Variants in RGS22 observed in about 807,000 individuals in gnomAD.
RGS22 encodes regulator of G-protein signaling 22.
Under a neutral mutation model 172.9 loss-of-function variants are expected in RGS22, and 148 were observed. The observed-to-expected ratio is 0.86, with a 90% CI of 0.75 to 0.98. The LOEUF (loss-of-function observed/expected upper bound fraction) is 0.98. Among genes scored for constraint, RGS22 ranks in the 50% least tolerant of loss-of-function variants. RGS22 has a pLI of 0.00. For missense variants in RGS22, 1,347 were observed against 1,440.8 expected (o/e 0.93, Z 1.05); for synonymous variants, 458 against 480.2 (o/e 0.95, Z 0.60).
At chr8:99,980,091 T>C (rs1007828259) in intron 22 of RGS22, among the ~76,000 whole-genome samples, 3 of 152,118 alleles carry the variant, frequency 2.0e-5, no homozygotes, top group Admixed American at 2.0e-4. Flanking sequence ...GTATCTGAAA[T>C]AGTTTTAAAA....
intron 24 of RGS22, among the ~76,000 whole-genome samples, chr8:99,963,575 A>C (rs998224449): frequency 6.6e-6 from 1 of 152,226 alleles, no homozygotes; most frequent in Non-Finnish European, 1.5e-5. Context: ...CAGGTTCTGC[A>C]TCTGCAGATT....
At chr8:100,104,949 T>C (rs1177633622) in intron 2 of RGS22, among the ~76,000 whole-genome samples, 9 of 152,204 alleles carry the variant, frequency 5.9e-5, no homozygotes, top group African/African-American at 2.2e-4. Flanking sequence ...TCTCTAGAAG[T>C]CTGAAATGGG....
At chr8:100,098,217 CT>C (rs1813135364) in intron 2 of RGS22, among the ~76,000 whole-genome samples, 1 of 152,110 alleles carries the variant, frequency 6.6e-6, no homozygotes, top group African/African-American at 2.4e-5. Context: ...CCTATTTATT[CT>C]TTTAATTTCT....
chr8:100,098,364 G>T (rs3133413), intron 2 of RGS22, among the ~76,000 whole-genome samples: 24,149 of 152,084 alleles, frequency 0.16, 2,515 homozygotes, highest in African/African-American at 0.29. Flanking sequence ...TAAAAGAAGA[G>T]ATATTGTCAA....
At chr8:100,057,137 G>A (rs1809702798) in intron 9 of RGS22, among the ~76,000 whole-genome samples, 1 of 152,180 alleles carries the variant, frequency 6.6e-6, no homozygotes, top group East Asian at 1.9e-4. Flanking sequence ...CTGTCCTGCT[G>A]GATTTTGGAC....
rs747806418 is a variant in RGS22, at chr8:99,996,470, C to A, written c.3010G>T (p.Val1004Phe). The A allele has an allele frequency of 1.9e-6, 3 of 1,613,126 alleles. No individual in the cohort carries two copies. Among genetic ancestry groups the A allele is most frequent in the South Asian group, 1.1e-5 (1 of 91,056 alleles). The change falls in exon 20 of 28, where the codon GTC becomes TTC. Residue 1004 changes from valine (V) to phenylalanine (F), a missense_variant. Physicochemically the swap from Val to Phe is conservative, Grantham distance 50. Transcript: ENST00000360863. ...LLQKAEKKIG[V>F]WKPVESKWIS... ...TAACAAACATTACTTGCCTTCCAGA[C>A]CCCGATTTTCTTTTCAGCCTTCTGT...
intron 2 of RGS22, 39 bp from the exon 3 acceptor site, chr8:100,093,548 T>C (rs1323517425): frequency 6.7e-6 from 9 of 1,350,524 alleles, no homozygotes; most frequent in Admixed American, 3.9e-5. Context: ...ATTATAATTA[T>C]ACATTTTAAA....
chr8:99,962,737 C>T lies in RGS22; in HGVS notation c.3740G>A (p.Ser1247Asn), dbSNP rs1167874709. The part of the protein sequence containing the change: ...GLQPLTNFKA[S>N]SSTMSLKKNM... ...CTTTTTCAAAGACATAGTTGAAGAG[C>T]TAGCCTTAAAATTTGTGAGAGGTTG... Residue 1247 changes from serine to asparagine, a missense_variant, in exon 26 of 28, where the codon AGC becomes AAC. Coordinates refer to ENST00000360863, the MANE Select transcript of RGS22 (RefSeq NM_015668.5). 1 of 1,612,164 alleles carries T rather than the reference C, an allele frequency of 6.2e-7. No individual in the cohort carries two copies. The highest frequency in any genetic ancestry group is 2.2e-5 in the East Asian group (1 of 44,870).
intron 4 of RGS22, among the ~76,000 whole-genome samples, chr8:100,075,834 T>C (rs1811307079): frequency 6.6e-6 from 1 of 152,228 alleles, no homozygotes. Flanking sequence ...TGTCTTACAA[T>C]TGCAGCAGCA....
chr8:100,071,232 G>A, intron 6 of RGS22, 137 bp downstream of exon 6: 3 of 670,222 alleles, frequency 4.5e-6, no homozygotes, highest in Non-Finnish European at 6.7e-6. Flanking sequence ...AGGCTGCAGT[G>A]AGCCATGATC....
At chr8:100,066,389 G>T in intron 6 of RGS22, 93 bp from the exon 7 acceptor site, 3 of 985,870 alleles carry the variant, frequency 3.0e-6, no homozygotes, top group Non-Finnish European at 4.5e-6. Context: ...TATTCAACTT[G>T]CACAGTACAA....
chr8:99,986,047 T>C (rs1178926579), intron 21 of RGS22, among the ~76,000 whole-genome samples: 1 of 151,776 alleles, frequency 6.6e-6, no homozygotes, highest in Non-Finnish European at 1.5e-5. Context: ...CTGGGCATCA[T>C]AGGGAGACCC....
chr8:100,010,195 A>T (rs905693899), intron 14 of RGS22, among the ~76,000 whole-genome samples: 2 of 152,034 alleles, frequency 1.3e-5, no homozygotes, highest in African/African-American at 4.8e-5. Context: ...TAGAGTTTAA[A>T]ACCAACATAA....
At chr8:100,053,882 C>T (rs895225211) in intron 9 of RGS22, among the ~76,000 whole-genome samples, 1 of 152,162 alleles carries the variant, frequency 6.6e-6, no homozygotes, top group Non-Finnish European at 1.5e-5. Flanking sequence ...GATCTGCCCT[C>T]CTCAGCCTCC....
At chr8:100,064,516 C>T (rs1810399348) in intron 7 of RGS22, among the ~76,000 whole-genome samples, 1 of 151,944 alleles carries the variant, frequency 6.6e-6, no homozygotes, top group Non-Finnish European at 1.5e-5. Flanking sequence ...TCTGAGGCTA[C>T]ATTTGGAACC....
At position 100,074,750 on chromosome 8, in the gene RGS22, T is replaced by G. The variant is rs1483012644; in HGVS notation, c.340-2520A>C. Among the ~76,000 whole-genome samples the G allele has an allele frequency of 7.1e-5, 10 of 140,404 alleles. No individual in the cohort carries two copies. In the East Asian group the frequency reaches 1.4e-3, roughly 19 times the overall value. 92.1% of individuals were successfully genotyped at this position (140,404 alleles called of 152,430 possible). ...GTTTACATGCAGGGTTTCTTTTTTG[T>G]TTTTTTTTTGTTTTTTGTTTTTTGT... On this transcript the variant is annotated intron_variant, in intron 4 of 27. Coordinates refer to ENST00000360863, the MANE Select transcript of RGS22 (RefSeq NM_015668.5).
chr8:100,006,362 C>T (rs913410355), intron 15 of RGS22, among the ~76,000 whole-genome samples: 1 of 152,146 alleles, frequency 6.6e-6, no homozygotes, highest in African/African-American at 2.4e-5. Context: ...TGTAAACTTA[C>T]AAACAATGCA....
chr8:100,001,039 A>T (rs1025744273), intron 18 of RGS22, among the ~76,000 whole-genome samples: 18 of 151,680 alleles, frequency 1.2e-4, no homozygotes, highest in Non-Finnish European at 2.5e-4. Context: ...AAACAAAAAA[A>T]AATGATAAAC....
intron 17 of RGS22, chr8:100,003,197 G>A (rs1588951344): frequency 5.4e-6 from 1 of 183,866 alleles, no homozygotes. Context: ...AAATGCTTGA[G>A]GGAATGGATA....
Sources: allele counts gnomAD v4.1 joint callset (sites outside exome capture counted in the v4.1 genomes callset), GRCh38; gene constraint gnomAD v4.1.1; transcripts MANE v1.5; gene names NCBI Gene and HGNC (gene_info 2026-07-23, HGNC 2026-07-21).